The following SLC2A5 variants were observed in gnomAD, a reference collection of about 807,000 sequenced individuals.
SLC2A5 encodes the protein solute carrier family 2 member 5.
Under a neutral mutation model 50.3 loss-of-function variants are expected in SLC2A5, and 56 were observed. That is an observed-to-expected ratio of 1.11 (90% CI 0.90 to 1.39). SLC2A5 has a LOEUF of 1.39. SLC2A5 is among the 40% of genes most tolerant of loss of function. The pLI is 0.00. For missense variants in SLC2A5, 566 were observed against 650.1 expected, an observed-to-expected ratio of 0.87 and a Z score of 1.41; for synonymous variants, 269 against 281.9, an observed-to-expected ratio of 0.95 and a Z score of 0.46.
At position 9,035,393 on chromosome 1, in the gene SLC2A5, C is replaced by G. The variant is rs1641116486; in HGVS notation, c.*2193G>C. 6.6e-6 allele frequency: 1 copy of G among 152,246 alleles called. No individual in the cohort carries two copies. Among genetic ancestry groups the G allele is most frequent in the Non-Finnish European group, 1.5e-5 (1 of 68,066 alleles). 9.4% of individuals were successfully genotyped at this position (152,246 alleles called of 1,614,324 possible). A position where few individuals can be genotyped will look rare whatever the true frequency, so the allele number is the denominator to read the frequency against. On this transcript the variant is annotated 3_prime_UTR_variant, in exon 12 of 12. Transcript: ENST00000377424. ...TCTGTGCCCCTTCCAGGCTGCAGAT[C>G]CTTGCTGCAGAAGGCCAAGGATGGT...
rs2124311295 is a variant in SLC2A5, at chr1:9,040,042, C to T, written c.697+22G>A. 6.3e-7 allele frequency: 1 copy of T among 1,583,168 alleles called. No homozygotes were observed. Among genetic ancestry groups the T allele is most frequent in the Admixed American group, 1.7e-5 (1 of 57,154 alleles). Reference sequence around the variant, plus strand: ...GCTGGGGAGCAGAACCTGGAGGCCGCCCCCGCCAGAGCCCTCGTTACCTTT... The same window carrying T: ...GCTGGGGAGCAGAACCTGGAGGCCGTCCCCGCCAGAGCCCTCGTTACCTTT... On this transcript the variant is annotated intron_variant, in intron 6 of 11. Transcript: ENST00000377424. This position sits in a 1 kb window ranked among gnomAD's most constrained non-coding sequence, Gnocchi z 4.3.
rs1317739747 is a variant in SLC2A5, at chr1:9,041,915, G to A, written c.441C>T (p.Pro147=). ...TAGGGGCCAGCTCCCCTAAGTACAT[G>A]GGGACCACGTTGGAAGATACACCTG... ...ICAGVSSNVV[P]MYLGELAPKN... Residue 147 remains proline, a synonymous_variant, in exon 5 of 12, where the codon CCC becomes CCT. Transcript: ENST00000377424. 6.2e-7 allele frequency: 1 copy of A among 1,610,388 alleles called. No homozygotes were observed. Among genetic ancestry groups the A allele is most frequent in the African/African-American group, 1.3e-5 (1 of 74,694 alleles).
intron 1 of SLC2A5, among the ~76,000 whole-genome samples, chr1:9,085,855 C>A (rs1346031092): frequency 6.6e-6 from 1 of 152,112 alleles, no homozygotes; most frequent in Non-Finnish European, 1.5e-5. Flanking sequence ...CCTGATGCAA[C>A]GGGCCCAGGC....
At chr1:9,094,012 T>TGAAGGGCCCATAACTAAACACACGG in the SLC2A5 span, among the ~76,000 whole-genome samples, 5 of 152,136 alleles carry the variant, frequency 3.3e-5, no homozygotes, top group Admixed American at 6.6e-5. Context: ...GCCCTCCCAT[T>TGAAGGGCCCATAACTAAACACACGG]GAAGGGCCCA....
rs548888546 is a variant in SLC2A5, at chr1:9,063,571, C to T, written c.34-5321G>A. On this transcript the variant is annotated intron_variant, in intron 1 of 11. Transcript: ENST00000377424. The stretch of plus-strand genomic sequence containing the variant: ...TATTTTTAGTAGAGACGGGGTTTCA[C>T]CATGTTGGCCAGGCTGGTCTCAAAC... Among the ~76,000 whole-genome samples, 81 of 151,172 alleles carry T rather than the reference C, an allele frequency of 5.4e-4. 1 individual carries two copies. The highest frequency in any genetic ancestry group is 1.9e-3 in the African/African-American group (77 of 41,168).
intron 2 of SLC2A5, among the ~76,000 whole-genome samples, chr1:9,081,246 T>C (rs1469801188): frequency 8.8e-6 from 1 of 113,544 alleles, no homozygotes. Context: ...GGAAACAGCA[T>C]GAGACCTTGT....
chr1:9,084,373 T>G (rs192876985), intron 2 of SLC2A5, among the ~76,000 whole-genome samples: 2 of 152,316 alleles, frequency 1.3e-5, no homozygotes, highest in African/African-American at 4.8e-5. Flanking sequence ...AACTCTCCTT[T>G]CTTGAGTGTG....
chr1:9,086,617 C>A (rs1330890606), intron 1 of SLC2A5, among the ~76,000 whole-genome samples: 4 of 152,094 alleles, frequency 2.6e-5, no homozygotes, highest in Non-Finnish European at 2.9e-5. Flanking sequence ...TCTTGAACTC[C>A]TGATCTCAAG....
chr1:9,069,653 A>G, upstream of SLC2A5: 1 of 1,094,006 alleles, frequency 9.1e-7, no homozygotes, highest in Non-Finnish European at 1.4e-6. Context: ...AACAGCCAAT[A>G]GCATTTTTAT....
upstream of SLC2A5, among the ~76,000 whole-genome samples, chr1:9,092,974 A>G (rs1642475155): frequency 6.6e-6 from 1 of 152,184 alleles, no homozygotes; most frequent in Admixed American, 6.5e-5. Context: ...TAAGCCTCTA[A>G]TGCTCAGACC....
At chr1:9,090,032 G>A (rs532492036), upstream of SLC2A5, among the ~76,000 whole-genome samples, 21 of 152,222 alleles carry the variant, frequency 1.4e-4, no homozygotes, top group Middle Eastern at 3.4e-3. Flanking sequence ...TTCTGTTGGC[G>A]TGAGGGGCAT....
At position 9,076,068 on chromosome 1, in the gene SLC2A5, G is replaced by C. The variant is rs1198261911; in HGVS notation, c.-58-6474C>G. On this transcript the variant is annotated intron_variant, in intron 2 of 5. Coordinates refer to the SLC2A5 transcript ENST00000464985. Reference sequence around the variant, plus strand: ...CCTCCCAGATTCAAGCGATTCTCTTGCCTCAGCCTCCCGAGTAACTGGAAT... The same window carrying C: ...CCTCCCAGATTCAAGCGATTCTCTTCCCTCAGCCTCCCGAGTAACTGGAAT... Among the ~76,000 whole-genome samples, 3 of 151,756 alleles carry C rather than the reference G, an allele frequency of 2.0e-5. No individual in the cohort carries two copies. In the East Asian group the frequency reaches 5.8e-4, roughly 29 times the overall value.
chr1:9,044,745 G>A (rs945909016), intron 4 of SLC2A5, among the ~76,000 whole-genome samples: 2 of 152,072 alleles, frequency 1.3e-5, no homozygotes, highest in Non-Finnish European at 2.9e-5. Flanking sequence ...AGTAGAGACC[G>A]AGTTTCACCA....
chr1:9,091,777 T>C (rs993307448), upstream of SLC2A5, among the ~76,000 whole-genome samples: 1 of 152,090 alleles, frequency 6.6e-6, no homozygotes, highest in Non-Finnish European at 1.5e-5. Context: ...AACCCTCCCC[T>C]CAAAGCAGGA....
At chr1:9,072,834 C>T (rs1170750446), upstream of SLC2A5, among the ~76,000 whole-genome samples, 4 of 149,460 alleles carry the variant, frequency 2.7e-5, no homozygotes, top group South Asian at 2.1e-4. Flanking sequence ...TGGTGGTGTG[C>T]GCCTGTAATT....
intron 1 of SLC2A5, among the ~76,000 whole-genome samples, chr1:9,059,282 A>G (rs991129653): frequency 1.7e-4 from 25 of 150,980 alleles, no homozygotes; most frequent in Non-Finnish European, 2.8e-4. Flanking sequence ...AGCTGGGACT[A>G]CAGGCACCCG....
rs35424773 is a variant in SLC2A5 at position 9,039,178 on chromosome 1, GC to G, written c.997-250del. 0.015 allele frequency among the ~76,000 whole-genome samples: 2,309 copies of G among 152,354 alleles called. 36 individuals carry two copies. The highest frequency in any genetic ancestry group is 0.027 in the Non-Finnish European group (1,843 of 68,018). On this transcript the variant is annotated intron_variant, in intron 8 of 11. Coordinates refer to ENST00000377424, the MANE Select transcript of SLC2A5 (RefSeq NM_003039.3). Reference sequence around the variant, plus strand: ...GGGCCTCCTAATCCCACAACCCTGAGCCTCAGGATTCCTGCCCTCGGGAGGC... The same window carrying G: ...GGGCCTCCTAATCCCACAACCCTGAGCTCAGGATTCCTGCCCTCGGGAGGC...
chr1:9,041,705 G>C (rs377511535), intron 5 of SLC2A5, 80 bp downstream of exon 5: 32 of 1,612,374 alleles, frequency 2.0e-5, no homozygotes, highest in Non-Finnish European at 2.7e-5. Flanking sequence ...CTGTCCTGTG[G>C]TGGTGGCTTT....
chr1:9,075,700 C>A (rs1243780517), intron 2 of SLC2A5, among the ~76,000 whole-genome samples: 2 of 152,050 alleles, frequency 1.3e-5, no homozygotes, highest in Non-Finnish European at 2.9e-5. Context: ...CACTCTTGTC[C>A]CCCAGGCTGG....
Sources: gnomAD v4.1 joint callset for allele counts (sites outside exome capture counted in the v4.1 genomes callset) on GRCh38, gnomAD v4.1.1 for gene constraint, Gnocchi (gnomAD v3.1) non-coding constraint, MANE v1.5 for transcripts, NCBI Gene and HGNC (gene_info 2026-07-23, HGNC 2026-07-21) for gene names.